IMMP2L: variants seen among roughly 807,000 people sequenced by gnomAD.
The protein encoded by IMMP2L is inner mitochondrial membrane peptidase subunit 2, also known as mitochondrial inner membrane protease subunit 2.
A neutral mutation model predicts 19.3 loss-of-function variants in IMMP2L; 18 were observed. That is an observed-to-expected ratio of 0.93 (90% confidence interval 0.64 to 1.38). IMMP2L has a LOEUF of 1.38. IMMP2L is among the 40% of genes most tolerant of loss of function. The probability of loss-of-function intolerance (pLI) is 0.00; values close to 1 mark genes in which losing one functional copy is unlikely to be tolerated. For synonymous variants in IMMP2L, 76 were observed against 73.0 expected (o/e 1.04, Z -0.21); for missense variants, 233 against 218.2 (o/e 1.07, Z -0.43).
At chr7:111,124,178 T>C (rs565781488) in intron 3 of IMMP2L, 1 of 1,613,918 alleles carries the variant, frequency 6.2e-7, no homozygotes, top group African/African-American at 1.3e-5. Context: ...CCTAATACCC[T>C]GACAGACAAG....
chr7:111,256,666 G>C (rs755484050), intron 3 of IMMP2L, among the ~76,000 whole-genome samples: 1 of 151,956 alleles, frequency 6.6e-6, no homozygotes, highest in Admixed American at 6.6e-5. Flanking sequence ...CTTTTAAATC[G>C]AGTAAAAGGG....
chr7:111,045,203 A>T (rs766475609), intron 3 of IMMP2L, among the ~76,000 whole-genome samples: 20 of 152,212 alleles, frequency 1.3e-4, no homozygotes, highest in Non-Finnish European at 2.8e-4. Context: ...TAGCCTACTC[A>T]GCCAAAACAA....
chr7:111,013,974 A>G (rs1050843882), intron 3 of IMMP2L, among the ~76,000 whole-genome samples: 1 of 152,178 alleles, frequency 6.6e-6, no homozygotes, highest in Non-Finnish European at 1.5e-5. Flanking sequence ...AAAACTGGAC[A>G]TATTTCCAGC....
rs540588318 is a variant in IMMP2L, at chr7:111,163,782, C to A, written c.240-200217G>T. Among the ~76,000 whole-genome samples the A allele has an allele frequency of 7.9e-5, 12 of 152,128 alleles. No homozygotes were observed. In the South Asian group the frequency reaches 2.3e-3, roughly 29 times the overall value. ...CCAAGGGAAGGTTTTTTAGGGAATT[C>A]GGTCTATAATCCAATAGTCTGATAT... On this transcript the variant is annotated intron_variant, in intron 3 of 5. Coordinates refer to ENST00000405709, the MANE Select transcript of IMMP2L (RefSeq NM_032549.4).
intron 1 of IMMP2L, among the ~76,000 whole-genome samples, chr7:111,560,683 G>C (rs561461605): frequency 1.8e-4 from 28 of 152,272 alleles, no homozygotes; most frequent in Middle Eastern, 6.8e-3. Context: ...ACTGGTGAAA[G>C]GCCTACCCCA....
At chr7:111,038,947 A>C (rs911435825) in intron 3 of IMMP2L, among the ~76,000 whole-genome samples, 3 of 152,144 alleles carry the variant, frequency 2.0e-5, no homozygotes, top group Non-Finnish European at 4.4e-5. Context: ...AATATAAATA[A>C]GGTGATAGAA....
chr7:111,219,293 A>T (rs1025544154), intron 3 of IMMP2L, among the ~76,000 whole-genome samples: 1 of 152,012 alleles, frequency 6.6e-6, no homozygotes, highest in African/African-American at 2.4e-5. Context: ...TGTTTGAGGC[A>T]CTATTTCTAA....
At chr7:111,032,904 G>A (rs138950094) in intron 3 of IMMP2L, among the ~76,000 whole-genome samples, 5 of 152,188 alleles carry the variant, frequency 3.3e-5, no homozygotes, top group South Asian at 2.1e-4. Flanking sequence ...CAGATCACCC[G>A]AGGTCCGGAG....
At chr7:111,357,874 G>A (rs900438969) in intron 3 of IMMP2L, among the ~76,000 whole-genome samples, 1 of 151,832 alleles carries the variant, frequency 6.6e-6, no homozygotes, top group African/African-American at 2.4e-5. Flanking sequence ...GAAACTGAAA[G>A]TAACCCAAGG....
intron 3 of IMMP2L, among the ~76,000 whole-genome samples, chr7:111,445,206 T>A (rs757252703): frequency 1.3e-5 from 2 of 151,856 alleles, no homozygotes; most frequent in South Asian, 2.1e-4. Flanking sequence ...CTCTTACACA[T>A]CCCCAAGAAC....
At chr7:111,412,600 C>G (rs1164919904) in intron 3 of IMMP2L, among the ~76,000 whole-genome samples, 1 of 151,642 alleles carries the variant, frequency 6.6e-6, no homozygotes, top group African/African-American at 2.4e-5. Context: ...CATAATATAC[C>G]AAAATTTGTG....
chr7:110,808,157 T>C (rs1476526189), intron 5 of IMMP2L, among the ~76,000 whole-genome samples: 3 of 152,058 alleles, frequency 2.0e-5, no homozygotes, highest in Admixed American at 6.6e-5. Context: ...AAAATACATA[T>C]TCAAATAAAG....
At chr7:110,889,042 T>C (rs901998997) in intron 4 of IMMP2L, among the ~76,000 whole-genome samples, 2 of 152,210 alleles carry the variant, frequency 1.3e-5, no homozygotes, top group Non-Finnish European at 2.9e-5. Context: ...TTTGATACGA[T>C]TACTCACAAG....
intron 3 of IMMP2L, among the ~76,000 whole-genome samples, chr7:111,445,847 C>A (rs10275830): frequency 0.016 from 2,401 of 152,202 alleles, 83 homozygotes; most frequent in African/African-American, 0.054. Context: ...CCAGTGGGTG[C>A]GCGCACCGTG....
intron 3 of IMMP2L, among the ~76,000 whole-genome samples, chr7:111,225,377 T>C (rs1812969379): frequency 4.6e-5 from 7 of 152,098 alleles, no homozygotes; most frequent in Admixed American, 4.6e-4. Context: ...GATTTGTTTA[T>C]GCTGTATAAT....
chr7:111,309,666 A>G (rs1289231818), intron 3 of IMMP2L, among the ~76,000 whole-genome samples: 1 of 152,150 alleles, frequency 6.6e-6, no homozygotes, highest in Non-Finnish European at 1.5e-5. Context: ...TTTCACTAAC[A>G]ATTAGCTAAA....
At chr7:111,548,042 A>G (rs2133054632) in intron 1 of IMMP2L, among the ~76,000 whole-genome samples, 1 of 152,190 alleles carries the variant, frequency 6.6e-6, no homozygotes, top group East Asian at 1.9e-4. Flanking sequence ...TCAACAGATG[A>G]CATTAAATGT....
At chr7:111,188,849 C>A (rs1305441985) in intron 3 of IMMP2L, among the ~76,000 whole-genome samples, 2 of 152,076 alleles carry the variant, frequency 1.3e-5, no homozygotes, top group African/African-American at 2.4e-5. Context: ...ATTAGTCCTA[C>A]AGAATAACAT....
chr7:110,903,163 C>A (rs1375089062), intron 4 of IMMP2L, among the ~76,000 whole-genome samples: 1 of 152,110 alleles, frequency 6.6e-6, no homozygotes, highest in African/African-American at 2.4e-5. Context: ...GCTTGCCACA[C>A]ACACCAGGCT....
Sources: gnomAD v4.1 joint callset for allele counts (sites outside exome capture counted in the v4.1 genomes callset) on GRCh38, gnomAD v4.1.1 for gene constraint, MANE v1.5 for transcripts, NCBI Gene and HGNC (gene_info 2026-07-23, HGNC 2026-07-21) for gene names.